ALK: variants seen among roughly 807,000 people sequenced by gnomAD.
ALK encodes ALK tyrosine kinase receptor.
In ALK, 74 loss-of-function variants were observed where a neutral mutation model predicts 163.1. That is an observed-to-expected ratio of 0.45 (90% CI 0.38 to 0.55). The LOEUF is 0.55. ALK is among the 20% of genes least tolerant of loss of function. The pLI, the probability that ALK is intolerant of heterozygous loss-of-function variation, is 0.00. For missense variants in ALK, 2,063 were observed against 2,105.3 expected, an observed-to-expected ratio of 0.98 and a Z score of 0.39; for synonymous variants, 960 against 843.2, an observed-to-expected ratio of 1.14 and a Z score of -2.40.
chr2:29,824,520 G>C lies in ALK; in HGVS notation c.667+95473C>G, dbSNP rs530275894. Among the ~76,000 whole-genome samples the C allele has an allele frequency of 5.3e-5, 8 of 152,372 alleles. No homozygotes were observed. In the South Asian group the frequency reaches 8.3e-4, roughly 16 times the overall value. On this transcript the variant is annotated intron_variant, in intron 1 of 28. Transcript: ENST00000389048. The stretch of plus-strand genomic sequence containing the variant: ...CAAAGCCACTGAGGCAGAGCTGTCC[G>C]AGGCTGTGGGAGCCCACCTCTTGCA...
chr2:29,400,504 C>G (rs1234815162), intron 4 of ALK, among the ~76,000 whole-genome samples: 1 of 152,172 alleles, frequency 6.6e-6, no homozygotes, highest in African/African-American at 2.4e-5. Flanking sequence ...GGGACCCCTC[C>G]TTACCAAGGC....
At chr2:29,527,845 C>T (rs1039924468) in intron 4 of ALK, among the ~76,000 whole-genome samples, 15 of 152,028 alleles carry the variant, frequency 9.9e-5, no homozygotes, top group African/African-American at 3.6e-4. Flanking sequence ...CATCACGTCA[C>T]ATTACATCAC....
At chr2:29,482,291 C>A (rs1193094747) in intron 4 of ALK, among the ~76,000 whole-genome samples, 1 of 152,048 alleles carries the variant, frequency 6.6e-6, no homozygotes, top group Non-Finnish European at 1.5e-5. Flanking sequence ...CTGTTTAGAG[C>A]CATAATTTCA....
chr2:29,216,923 G>GGTGTGT (rs1227027328), intron 23 of ALK, among the ~76,000 whole-genome samples: 9 of 126,686 alleles, frequency 7.1e-5, no homozygotes, highest in Middle Eastern at 8.6e-3. Context: ...ATGTCTTTAT[G>GGTGTGT]GTGTGTGGGG....
chr2:29,669,693 G>A (rs1677624165), intron 3 of ALK, among the ~76,000 whole-genome samples: 1 of 151,626 alleles, frequency 6.6e-6, no homozygotes, highest in Non-Finnish European at 1.5e-5. Flanking sequence ...TTCCCTTTGT[G>A]GTTAAGTGAT....
intron 5 of ALK, among the ~76,000 whole-genome samples, chr2:29,339,934 C>T (rs777599208): frequency 4.6e-5 from 7 of 152,152 alleles, no homozygotes; most frequent in Non-Finnish European, 8.8e-5. Context: ...AGGCAGAGTG[C>T]GTTTCATTTT....
chr2:29,565,706 G>A (rs1674162831), intron 3 of ALK, among the ~76,000 whole-genome samples: 1 of 152,158 alleles, frequency 6.6e-6, no homozygotes, highest in African/African-American at 2.4e-5. Flanking sequence ...GACAAAGGCA[G>A]CCAGCCTCAC....
At chr2:29,674,668 A>G (rs1308965340) in intron 3 of ALK, among the ~76,000 whole-genome samples, 1 of 151,520 alleles carries the variant, frequency 6.6e-6, no homozygotes, top group Non-Finnish European at 1.5e-5. Context: ...AGGCTTTGGT[A>G]TCAGAATGAT....
At chr2:29,436,432 T>A (rs986646699) in intron 4 of ALK, among the ~76,000 whole-genome samples, 3 of 152,194 alleles carry the variant, frequency 2.0e-5, no homozygotes, top group African/African-American at 7.2e-5. Context: ...TATAACGTCA[T>A]CATCTTTAAG....
intron 16 of ALK, among the ~76,000 whole-genome samples, chr2:29,228,070 C>T (rs993387695): frequency 6.6e-6 from 1 of 152,070 alleles, no homozygotes; most frequent in African/African-American, 2.4e-5. Context: ...TGGGGTGTGG[C>T]GGGCTGTGCG....
At chr2:29,540,866 A>T (rs2148165946) in intron 3 of ALK, among the ~76,000 whole-genome samples, 1 of 152,344 alleles carries the variant, frequency 6.6e-6, no homozygotes, top group Admixed American at 6.5e-5. Flanking sequence ...ACAGCAAATT[A>T]TATATAAACA....
At chr2:29,559,001 C>A (rs1039662547) in intron 3 of ALK, among the ~76,000 whole-genome samples, 2 of 152,264 alleles carry the variant, frequency 1.3e-5, no homozygotes, top group Middle Eastern at 3.4e-3. Context: ...TATAAACATG[C>A]ACAGGTGGGC....
intron 1 of ALK, among the ~76,000 whole-genome samples, chr2:29,832,003 G>A (rs145129256): frequency 1.3e-5 from 2 of 152,182 alleles, no homozygotes; most frequent in Non-Finnish European, 2.9e-5. Flanking sequence ...TACTGAATAC[G>A]ATTTATGAAG....
At chr2:29,313,863 C>A (rs920965401) in intron 8 of ALK, among the ~76,000 whole-genome samples, 11 of 152,260 alleles carry the variant, frequency 7.2e-5, no homozygotes, top group Middle Eastern at 3.4e-3. Flanking sequence ...CCATCTGATA[C>A]TAAGTTTTCT....
intron 1 of ALK, among the ~76,000 whole-genome samples, chr2:29,786,144 C>G (rs772298683): frequency 6.6e-6 from 1 of 152,160 alleles, no homozygotes; most frequent in East Asian, 1.9e-4. Flanking sequence ...CCGATTTTCA[C>G]GTCCCTTGGA....
intron 4 of ALK, among the ~76,000 whole-genome samples, chr2:29,392,874 G>A (rs1175877192): frequency 6.6e-6 from 1 of 152,194 alleles, no homozygotes; most frequent in Non-Finnish European, 1.5e-5. Context: ...GTTGCTGACT[G>A]GTCAAGGTTA....
chr2:29,549,049 CCAG>C (rs1308265900), intron 3 of ALK, among the ~76,000 whole-genome samples: 1 of 131,834 alleles, frequency 7.6e-6, no homozygotes, highest in Non-Finnish European at 1.7e-5. Flanking sequence ...GAGGAGAAGA[CCAG>C]CAGGAGGAAG....
intron 1 of ALK, among the ~76,000 whole-genome samples, chr2:29,878,709 A>G (rs1315444979): frequency 6.6e-6 from 1 of 152,198 alleles, no homozygotes; most frequent in East Asian, 1.9e-4. Flanking sequence ...GAGATTATGG[A>G]GCAAGGAGGA....
At chr2:29,662,351 A>G (rs1677375452) in intron 3 of ALK, among the ~76,000 whole-genome samples, 1 of 152,026 alleles carries the variant, frequency 6.6e-6, no homozygotes, top group South Asian at 2.1e-4. Context: ...GATTTCCCAA[A>G]CTCCCAGGTG....
Sources: gnomAD v4.1 joint callset for allele counts (sites outside exome capture counted in the v4.1 genomes callset) on GRCh38, gnomAD v4.1.1 for gene constraint, MANE v1.5 for transcripts, NCBI Gene and HGNC (gene_info 2026-07-23, HGNC 2026-07-21) for gene names.